COX10: variants seen among roughly 807,000 people sequenced by gnomAD.
The protein encoded by COX10 is protoheme IX farnesyltransferase, mitochondrial.
Under a neutral mutation model 37.3 loss-of-function variants are expected in COX10, and 27 were observed. The ratio of observed to expected loss-of-function variants is 0.72; its 90% CI spans 0.53 to 1.00. The LOEUF is 1.00. COX10 is among the 50% of genes least tolerant of loss of function. The pLI is 0.00. For missense variants in COX10, 475 were observed against 563.2 expected (o/e 0.84, Z 1.59); for synonymous variants, 222 against 229.1 (o/e 0.97, Z 0.28).
rs181904671 is a variant in COX10 at position 14,153,252 on chromosome 17, A to T, written c.625-6625A>T. Among the ~76,000 whole-genome samples, 563 of 152,310 alleles carry T rather than the reference A, an allele frequency of 3.7e-3. 14 individuals are homozygous for T. The highest frequency in any genetic ancestry group is 1.7e-3 in the Non-Finnish European group (117 of 68,028). On this transcript the variant is annotated intron_variant, in intron 4 of 6. Coordinates refer to ENST00000261643, the MANE Select transcript of COX10 (RefSeq NM_001303.4). ...CAAACACAGTAAAACTTTCCCTCTT[A>T]CAACCAAAAAATCACTAATTTACTC...
At chr17:14,070,147 G>A (rs533443840) in intron 1 of COX10, among the ~76,000 whole-genome samples, 5 of 152,310 alleles carry the variant, frequency 3.3e-5, no homozygotes, top group Non-Finnish European at 5.9e-5. Flanking sequence ...TGTACCGCCA[G>A]AGTGGTCTTT....
chr17:14,162,973 A>G (rs1187729826), intron 5 of COX10, among the ~76,000 whole-genome samples: 2 of 152,224 alleles, frequency 1.3e-5, no homozygotes, highest in South Asian at 2.1e-4. Context: ...AAAATACATC[A>G]TTTGCCTGCA....
intron 3 of COX10, among the ~76,000 whole-genome samples, chr17:14,079,308 C>T (rs1022770429): frequency 6.6e-6 from 1 of 152,044 alleles, no homozygotes; most frequent in Non-Finnish European, 1.5e-5. Flanking sequence ...TTGTTTTTGC[C>T]TGTGGAGGGA....
chr17:14,079,342 C>T (rs1033511963), intron 3 of COX10, among the ~76,000 whole-genome samples: 2 of 152,038 alleles, frequency 1.3e-5, no homozygotes, highest in East Asian at 1.9e-4. Context: ...AATATTTACT[C>T]GGCAGGGAAG....
At chr17:14,152,762 A>T (rs1904940993) in intron 4 of COX10, among the ~76,000 whole-genome samples, 1 of 152,196 alleles carries the variant, frequency 6.6e-6, no homozygotes, top group Non-Finnish European at 1.5e-5. Flanking sequence ...GACTTTGATG[A>T]TGCACATGAC....
intron 4 of COX10, 23 bp from the exon 5 acceptor site, chr17:14,159,854 G>A: frequency 6.4e-7 from 1 of 1,573,928 alleles, no homozygotes; most frequent in Non-Finnish European, 8.7e-7. Context: ...AATGTTTTCT[G>A]TCTTTTTTCA....
At chr17:14,197,772 A>G (rs2023485) in intron 6 of COX10, among the ~76,000 whole-genome samples, 151,381 of 152,388 alleles carry the variant, frequency 0.99, 75,206 homozygotes, top group Middle Eastern at 1. Flanking sequence ...GCCGCAAAGC[A>G]TGGGCCCAGC....
chr17:14,172,326 A>T (rs1476766719), intron 5 of COX10, among the ~76,000 whole-genome samples: 2 of 151,998 alleles, frequency 1.3e-5, no homozygotes, highest in Non-Finnish European at 2.9e-5. Context: ...GTTATTTGGG[A>T]GATCGCCATA....
At chr17:14,131,225 G>T (rs1268502437) in intron 4 of COX10, among the ~76,000 whole-genome samples, 1 of 152,082 alleles carries the variant, frequency 6.6e-6, no homozygotes, top group Admixed American at 6.6e-5. Flanking sequence ...TAATCAGAAA[G>T]CAGGTTAAGA....
chr17:14,082,991 C>T (rs867102947), intron 3 of COX10, among the ~76,000 whole-genome samples: 24 of 152,320 alleles, frequency 1.6e-4, no homozygotes, highest in Admixed American at 7.8e-4. Context: ...GTGGAGAGAA[C>T]TCACCTAGTG....
chr17:14,195,499 A>G (rs928319545), intron 6 of COX10, among the ~76,000 whole-genome samples: 3 of 152,234 alleles, frequency 2.0e-5, no homozygotes, highest in Admixed American at 6.5e-5. Flanking sequence ...TAGTTACACT[A>G]TCAACAGCAC....
At chr17:14,099,062 G>A (rs993671793) in intron 3 of COX10, among the ~76,000 whole-genome samples, 1 of 152,008 alleles carries the variant, frequency 6.6e-6, no homozygotes, top group East Asian at 1.9e-4. Flanking sequence ...TTAGCCTCTC[G>A]TTTGCCTTCA....
intron 4 of COX10, among the ~76,000 whole-genome samples, chr17:14,116,445 G>A (rs373683631): frequency 1.3e-5 from 2 of 152,042 alleles, no homozygotes; most frequent in African/African-American, 2.4e-5. Flanking sequence ...CAACAGCTCC[G>A]CTTAGACTTA....
rs189771572 is a variant in COX10 at position 14,199,998 on chromosome 17, G to A, written c.929-6812G>A. Among the ~76,000 whole-genome samples the A allele has an allele frequency of 4.0e-3, 615 of 152,252 alleles. 3 individuals carry two copies. The highest frequency in any genetic ancestry group is 4.0e-3 in the Non-Finnish European group (274 of 68,016). ...AGAGAGGAGACTATTGTACTGGCGA[G>A]GGAAGACCTCCCAAACCCAGCACCA... On this transcript the variant is annotated intron_variant, in intron 6 of 6. Coordinates refer to ENST00000261643, the MANE Select transcript of COX10 (RefSeq NM_001303.4).
intron 4 of COX10, among the ~76,000 whole-genome samples, chr17:14,126,855 A>T (rs1277925803): frequency 6.6e-6 from 1 of 152,072 alleles, no homozygotes; most frequent in Non-Finnish European, 1.5e-5. Context: ...AGTATTTAAA[A>T]TTTATGGGGA....
At chr17:14,091,610 G>A (rs1915529335) in intron 3 of COX10, among the ~76,000 whole-genome samples, 1 of 152,174 alleles carries the variant, frequency 6.6e-6, no homozygotes, top group African/African-American at 2.4e-5. Context: ...TAATTGCACA[G>A]AAATTGCATC....
chr17:14,174,942 A>G (rs1343393678), intron 5 of COX10, among the ~76,000 whole-genome samples: 1 of 147,122 alleles, frequency 6.8e-6, no homozygotes, highest in Non-Finnish European at 1.5e-5. Flanking sequence ...ACGTGCAGTG[A>G]CACGGGTGTG....
Position 14,104,106 on chromosome 17 carries a change from C to A in COX10, c.624+1864C>A, listed in dbSNP as rs375749080. Among the ~76,000 whole-genome samples the A allele has an allele frequency of 7.3e-4, 111 of 152,244 alleles. 1 individual carries two copies. The South Asian group carries it at 0.014, about 19-fold the overall frequency. ...TGCAGTGTCCTGAGTGACGTGAGTT[C>A]CTCATCAGTGCTTGTGGTACAAGTG... On this transcript the variant is annotated intron_variant, in intron 4 of 6. Transcript: ENST00000261643.
intron 5 of COX10, among the ~76,000 whole-genome samples, chr17:14,170,795 G>A (rs1284875286): frequency 6.6e-6 from 1 of 152,070 alleles, no homozygotes; most frequent in Non-Finnish European, 1.5e-5. Context: ...CCAGCCTGGG[G>A]AACAGAGTGA....
Sources: gnomAD v4.1 joint callset for allele counts (sites outside exome capture counted in the v4.1 genomes callset) on GRCh38, gnomAD v4.1.1 for gene constraint, MANE v1.5 for transcripts, NCBI Gene and HGNC (gene_info 2026-07-23, HGNC 2026-07-21) for gene names.